Variants in MECOM observed in about 807,000 individuals in gnomAD.
MECOM encodes histone-lysine N-methyltransferase MECOM.
Under a neutral mutation model 116.3 loss-of-function variants are expected in MECOM, and 13 were observed. That is an observed-to-expected ratio of 0.11 (90% CI 0.07 to 0.18). The LOEUF is 0.18. MECOM is among the 10% of genes least tolerant of loss of function. MECOM has a pLI of 1.00. For missense variants in MECOM, 1,299 were observed against 1,509.0 expected (o/e 0.86, Z 2.31); for synonymous variants, 528 against 535.2 (o/e 0.99, Z 0.19).
intron 2 of MECOM, among the ~76,000 whole-genome samples, chr3:169,321,381 A>C (rs778499173): frequency 6.6e-6 from 1 of 152,052 alleles, no homozygotes; most frequent in African/African-American, 2.4e-5. Flanking sequence ...CTCTACTATA[A>C]ATCCCAAAAT....
intron 1 of MECOM, among the ~76,000 whole-genome samples, chr3:169,655,365 A>G (rs1464506517): frequency 6.6e-6 from 1 of 152,220 alleles, no homozygotes; most frequent in Non-Finnish European, 1.5e-5. Context: ...CCATTCATTT[A>G]AAGAGGAGCA....
chr3:169,144,150 C>T (rs915775256), intron 2 of MECOM, among the ~76,000 whole-genome samples: 3 of 152,060 alleles, frequency 2.0e-5, no homozygotes, highest in Non-Finnish European at 2.9e-5. Flanking sequence ...TATTGAACAG[C>T]GTATATTAAC....
chr3:169,316,844 C>A (rs561630043), intron 2 of MECOM, among the ~76,000 whole-genome samples: 1 of 152,196 alleles, frequency 6.6e-6, no homozygotes. Context: ...TGAGCCACTG[C>A]GCCCGGCCAA....
At chr3:169,387,513 A>G in intron 1 of MECOM, among the ~76,000 whole-genome samples, 1 of 152,236 alleles carries the variant, frequency 6.6e-6, no homozygotes, top group Non-Finnish European at 1.5e-5. Context: ...ACTCAGCATT[A>G]TCATTAGTGA....
intron 1 of MECOM, among the ~76,000 whole-genome samples, chr3:169,468,505 G>A (rs1343040): frequency 0.36 from 54,020 of 151,840 alleles, 10,292 homozygotes; most frequent in Middle Eastern, 0.46. Flanking sequence ...TTACTTTCCC[G>A]TGCCTCAGAG....
At chr3:169,659,440 A>ATTTTTTTTTTTTTTTTTTTTTTTTTTT (rs56270349) in intron 1 of MECOM, among the ~76,000 whole-genome samples, 1 of 62,138 alleles carries the variant, frequency 1.6e-5, no homozygotes, top group African/African-American at 6.2e-5. Context: ...CTAAACACAG[A>ATTTTTTTTTTTTTTTTTTTTTTTTTTT]TTTTTTTTTT....
At chr3:169,233,927 A>C (rs1268046046) in intron 2 of MECOM, among the ~76,000 whole-genome samples, 1 of 152,132 alleles carries the variant, frequency 6.6e-6, no homozygotes, top group Non-Finnish European at 1.5e-5. Flanking sequence ...TCAGTTTTTT[A>C]AATGAATTAC....
At chr3:169,121,011 G>T in intron 7 of MECOM, 45 bp downstream of exon 7, 2 of 1,554,158 alleles carry the variant, frequency 1.3e-6, no homozygotes, top group Non-Finnish European at 1.7e-6. Context: ...GCCTTTTGGG[G>T]AAGAGACAGA....
At chr3:169,180,265 G>T (rs1320076881) in intron 2 of MECOM, among the ~76,000 whole-genome samples, 3 of 151,962 alleles carry the variant, frequency 2.0e-5, no homozygotes, top group South Asian at 4.2e-4. Flanking sequence ...TCACATTTTT[G>T]ATTTATCGTG....
At chr3:169,273,848 G>C (rs963499590) in intron 2 of MECOM, among the ~76,000 whole-genome samples, 17 of 151,232 alleles carry the variant, frequency 1.1e-4, no homozygotes, top group African/African-American at 3.9e-4. Context: ...CTGTGTGGAG[G>C]CCACTAAGCC....
At chr3:169,580,862 G>A (rs527473229) in intron 1 of MECOM, among the ~76,000 whole-genome samples, 59 of 152,052 alleles carry the variant, frequency 3.9e-4, no homozygotes, top group Admixed American at 2.5e-3. Flanking sequence ...GCAAAATGTC[G>A]TATTGACAAC....
chr3:169,544,566 A>G (rs1760482981), intron 1 of MECOM, among the ~76,000 whole-genome samples: 1 of 152,192 alleles, frequency 6.6e-6, no homozygotes, highest in Admixed American at 6.5e-5. Flanking sequence ...TCTACACATG[A>G]ACACACATGT....
chr3:169,385,012 A>C (rs1022217984), intron 1 of MECOM, among the ~76,000 whole-genome samples: 2 of 151,586 alleles, frequency 1.3e-5, no homozygotes, highest in African/African-American at 4.9e-5. Flanking sequence ...GCTGAGGCAC[A>C]AGAATTGCTT....
intron 2 of MECOM, among the ~76,000 whole-genome samples, chr3:169,164,136 A>G (rs1057339323): frequency 1.3e-5 from 2 of 152,026 alleles, no homozygotes; most frequent in African/African-American, 4.8e-5. Context: ...CCTAAATCTC[A>G]TCTTGTAGTT....
intron 2 of MECOM, chr3:169,145,842 G>A (rs1299637607): frequency 9.4e-6 from 2 of 213,276 alleles, no homozygotes; most frequent in Non-Finnish European, 1.9e-5. Context: ...TTTTTAAAAA[G>A]GTTCATTTCC....
intron 2 of MECOM, among the ~76,000 whole-genome samples, chr3:169,307,098 T>C (rs1717858209): frequency 6.6e-6 from 1 of 152,218 alleles, no homozygotes; most frequent in Non-Finnish European, 1.5e-5. Context: ...ATATTTCATA[T>C]CATTGGGCAT....
At chr3:169,615,551 A>C (rs2109850724) in intron 1 of MECOM, among the ~76,000 whole-genome samples, 1 of 152,348 alleles carries the variant, frequency 6.6e-6, no homozygotes, top group South Asian at 2.1e-4. Flanking sequence ...AAAATCCATA[A>C]GATTACTCCT....
chr3:169,661,704 CGCCGACTTCCCGG>C (rs749617901), intron 1 of MECOM, among the ~76,000 whole-genome samples: 4 of 151,810 alleles, frequency 2.6e-5, no homozygotes, highest in Non-Finnish European at 5.9e-5. Context: ...GCTGAGGTGC[CGCCGACTTCCCGG>C]GCTGCTGCAG....
At chr3:169,597,476 G>A (rs1322640510) in intron 1 of MECOM, among the ~76,000 whole-genome samples, 2 of 152,220 alleles carry the variant, frequency 1.3e-5, no homozygotes, top group East Asian at 1.9e-4. Context: ...TTTGACTTAT[G>A]GGGCCTGCAG....
Sources: gnomAD v4.1 joint callset for allele counts (sites outside exome capture counted in the v4.1 genomes callset) on GRCh38, gnomAD v4.1.1 for gene constraint, MANE v1.5 for transcripts, NCBI Gene and HGNC (gene_info 2026-07-23, HGNC 2026-07-21) for gene names.